The following PPP6R2 variants were observed in gnomAD, a reference collection of about 807,000 sequenced individuals.
PPP6R2 encodes protein phosphatase 6 regulatory subunit 2.
Under a neutral mutation model 100.2 loss-of-function variants are expected in PPP6R2, and 62 were observed. The observed-to-expected ratio is 0.62, with a 90% confidence interval of 0.50 to 0.76. PPP6R2 has a LOEUF of 0.76. Among genes scored for constraint, PPP6R2 ranks in the 30% least tolerant of loss-of-function variants. PPP6R2 has a pLI of 0.00. For missense variants in PPP6R2, 1,142 were observed against 1,276.3 expected, an observed-to-expected ratio of 0.89 and a Z score of 1.60; for synonymous variants, 525 against 514.7, an observed-to-expected ratio of 1.02 and a Z score of -0.27.
At chr22:50,437,126 T>A (rs1603412400) in intron 15 of PPP6R2, 58 bp downstream of exon 15, 2 of 1,458,214 alleles carry the variant, frequency 1.4e-6, no homozygotes, top group Non-Finnish European at 1.9e-6. Flanking sequence ...CTGTGTGCGC[T>A]GCGCTTGGTC....
At chr22:50,443,197 T>TA (rs1340559132) in intron 22 of PPP6R2, 1 of 152,326 alleles carries the variant, frequency 6.6e-6, no homozygotes, top group African/African-American at 2.4e-5. Flanking sequence ...AAACAACCCC[T>TA]AAAAAACTGC....
chr22:50,393,564 G>C, intron 2 of PPP6R2: 1 of 982,384 alleles, frequency 1.0e-6, no homozygotes, highest in African/African-American at 1.7e-5. Context: ...GGCAAAGGAG[G>C]GGGTTAGCCC....
chr22:50,391,456 AT>A (rs1194757863), intron 2 of PPP6R2, among the ~76,000 whole-genome samples: 4 of 149,506 alleles, frequency 2.7e-5, no homozygotes, highest in East Asian at 1.9e-4. Context: ...AAAAAAAAAA[AT>A]GTAAACATTA....
chr22:50,338,843 T>C (rs1601852864), upstream of PPP6R2, among the ~76,000 whole-genome samples: 1 of 121,060 alleles, frequency 8.3e-6, no homozygotes, highest in African/African-American at 3.2e-5. Flanking sequence ...GGTGTGTGTG[T>C]GGTGTGTGGT....
intron 4 of PPP6R2, among the ~76,000 whole-genome samples, chr22:50,408,394 G>C (rs2059278773): frequency 6.6e-6 from 1 of 152,166 alleles, no homozygotes; most frequent in South Asian, 2.1e-4. Context: ...GCATGTGAGT[G>C]TTCAGTGGAA....
chr22:50,420,542 T>C (rs1023284749), intron 8 of PPP6R2, among the ~76,000 whole-genome samples: 1 of 152,180 alleles, frequency 6.6e-6, no homozygotes, highest in East Asian at 1.9e-4. Context: ...CAGGAAGTGT[T>C]TGAAACTGTT....
chr22:50,404,605 T>TTTTG (rs1421434306), intron 3 of PPP6R2, among the ~76,000 whole-genome samples: 3 of 149,492 alleles, frequency 2.0e-5, no homozygotes, highest in African/African-American at 7.3e-5. Context: ...TCTTGTTTTT[T>TTTTG]TTTTTTTTTT....
At chr22:50,414,478 G>GA (rs2060241842) in intron 4 of PPP6R2, 74 bp from the exon 5 acceptor site, 2 of 1,529,960 alleles carry the variant, frequency 1.3e-6, no homozygotes, top group Non-Finnish European at 1.8e-6. Flanking sequence ...ACTTTCCCAT[G>GA]AGAGTTTTTG....
At chr22:50,378,423 C>T (rs1020636838) in intron 2 of PPP6R2, among the ~76,000 whole-genome samples, 4 of 151,800 alleles carry the variant, frequency 2.6e-5, no homozygotes, top group Admixed American at 2.0e-4. Context: ...CCCATCTCTA[C>T]TAAAAATACA....
chr22:50,413,107 AC>A (rs2060005443), intron 4 of PPP6R2, among the ~76,000 whole-genome samples: 1 of 151,096 alleles, frequency 6.6e-6, no homozygotes, highest in African/African-American at 2.4e-5. Flanking sequence ...ACAGGCATGC[AC>A]CACCACGCTT....
intron 4 of PPP6R2, 72 bp downstream of exon 4, chr22:50,406,947 C>T (rs1397952447): frequency 1.4e-6 from 2 of 1,463,972 alleles, no homozygotes; most frequent in Admixed American, 1.7e-5. Flanking sequence ...TGCTGTGAGC[C>T]TGGCGGTGCG....
At position 50,432,257 on chromosome 22, in the gene PPP6R2, C is replaced by T. The variant is rs2063303705; in HGVS notation, c.1336-8C>T. The T allele has an allele frequency of 1.3e-6, 2 of 1,549,186 alleles. No homozygotes were observed. The highest frequency in any genetic ancestry group is 1.7e-6 in the Non-Finnish European group (2 of 1,146,464). ...TGACTCACGCTGTCCCCCTGCCCCG[C>T]CCCCCAGCTGTTCCAGAAGTGCTGC... On this transcript the variant is annotated splice_region_variant and splice_polypyrimidine_tract_variant and intron_variant, in intron 11 of 23. Coordinates refer to ENST00000612753, the MANE Select transcript of PPP6R2 (RefSeq NM_001242898.2).
chr22:50,427,114 G>A lies in PPP6R2; in HGVS notation c.1125+3500G>A, dbSNP rs1409284485. 2.6e-5 allele frequency among the ~76,000 whole-genome samples: 4 copies of A among 151,732 alleles called. No individual in the cohort carries two copies. In the East Asian group the frequency reaches 7.7e-4, roughly 29 times the overall value. On this transcript the variant is annotated intron_variant, in intron 10 of 23. Transcript: ENST00000612753. ...TGAGGCAGGAGAATGGTGTGAACCC[G>A]GGAGGTGGAGCTTGCAGTGAGCCGA...
At chr22:50,341,077 A>AT (rs2042364800), upstream of PPP6R2, among the ~76,000 whole-genome samples, 1 of 151,100 alleles carries the variant, frequency 6.6e-6, no homozygotes, top group Non-Finnish European at 1.5e-5. Context: ...CGCCTGGTTA[A>AT]TTTTTTATAT....
At chr22:50,418,466 A>G (rs2060844984) in intron 6 of PPP6R2, among the ~76,000 whole-genome samples, 1 of 151,872 alleles carries the variant, frequency 6.6e-6, no homozygotes, top group South Asian at 2.1e-4. Flanking sequence ...GCTCACTGCA[A>G]GCTCCTTCTC....
chr22:50,389,959 A>T (rs1257135341), intron 2 of PPP6R2, among the ~76,000 whole-genome samples: 1 of 151,002 alleles, frequency 6.6e-6, no homozygotes, highest in African/African-American at 2.4e-5. Flanking sequence ...TGTTCTTGTT[A>T]TGCGGAGATT....
At chr22:50,371,695 A>G (rs931924257) in intron 1 of PPP6R2, among the ~76,000 whole-genome samples, 4 of 152,040 alleles carry the variant, frequency 2.6e-5, no homozygotes, top group East Asian at 1.9e-4. Context: ...GCTGGAGTGC[A>G]GTGGCATGAT....
chr22:50,347,516 C>T (rs1296811541), intron 1 of PPP6R2, among the ~76,000 whole-genome samples: 1 of 152,080 alleles, frequency 6.6e-6, no homozygotes, highest in African/African-American at 2.4e-5. Flanking sequence ...TCACCTTCCC[C>T]CATGCACCGT....
Position 50,423,323 on chromosome 22 carries a change from C to G in PPP6R2, c.973-139C>G. 3.1e-6 allele frequency: 3 copies of G among 982,672 alleles called. No homozygotes were observed. The highest frequency in any genetic ancestry group is 4.4e-6 in the Non-Finnish European group (3 of 674,428). 60.9% of individuals were successfully genotyped at this position (982,672 alleles called of 1,614,324 possible). The stretch of plus-strand genomic sequence containing the variant: ...CCTTCATTTCTTCTGGCAGACGGCC[C>G]TCCCTGAGGAACCCCCACCACATAC... On this transcript the variant is annotated intron_variant, in intron 9 of 23. Transcript: ENST00000612753. The surrounding 1 kb of genome is among the most constrained non-coding windows in gnomAD (Gnocchi z 4.8).
Sources: gnomAD v4.1 joint callset for allele counts (sites outside exome capture counted in the v4.1 genomes callset) on GRCh38, gnomAD v4.1.1 for gene constraint, Gnocchi (gnomAD v3.1) non-coding constraint, MANE v1.5 for transcripts, NCBI Gene and HGNC (gene_info 2026-07-23, HGNC 2026-07-21) for gene names.